DNAL4: variants seen among roughly 807,000 people sequenced by gnomAD.
DNAL4 encodes dynein axonemal light chain 4, also known as dynein light chain, outer arm 4.
DNAL4 carries 10 observed loss-of-function variants against 12.6 expected under a neutral mutation model. The observed-to-expected ratio is 0.79, with a 90% CI of 0.49 to 1.34. The LOEUF (loss-of-function observed/expected upper bound fraction) is 1.34. DNAL4 is among the 40% of genes most tolerant of loss of function. The pLI is 0.00. For missense variants in DNAL4, 128 were observed against 138.1 expected (o/e 0.93, Z 0.37); for synonymous variants, 46 against 53.1 (o/e 0.87, Z 0.58).
At chr22:38,790,986 G>A (rs1396082873) in intron 1 of DNAL4, among the ~76,000 whole-genome samples, 1 of 152,090 alleles carries the variant, frequency 6.6e-6, no homozygotes, top group East Asian at 1.9e-4. Context: ...TGGCCAACAT[G>A]GCAAAACCTC....
chr22:38,783,382 A>G (rs2093037483), intron 1 of DNAL4, among the ~76,000 whole-genome samples: 2 of 151,138 alleles, frequency 1.3e-5, no homozygotes, highest in Non-Finnish European at 3.0e-5. Flanking sequence ...CTCCCACTGC[A>G]TACACGGGCC....
Position 38,781,225 on chromosome 22 carries a change from T to C in DNAL4, c.70-216A>G, listed in dbSNP as rs377215198. On this transcript the variant is annotated intron_variant, in intron 2 of 3. Transcript: ENST00000216068. ...CGTGGGCTCTCAAGCCCAGGCTCTC[T>C]GCAAGGGCACGAAGCCAGCACCAGG... Among the ~76,000 whole-genome samples the C allele has an allele frequency of 2.0e-5, 3 of 152,334 alleles. No homozygotes were observed. The East Asian group carries it at 5.8e-4, about 29-fold the overall frequency.
At chr22:38,785,370 C>T (rs2093040739) in intron 1 of DNAL4, 1 of 152,202 alleles carries the variant, frequency 6.6e-6, no homozygotes, top group South Asian at 2.1e-4. Flanking sequence ...GTGGAAGCAG[C>T]TTCTTAGGCA....
chr22:38,779,396 C>A lies in DNAL4; in HGVS notation c.*53G>T, dbSNP rs974102750. ...GACCTGCCTAGGGCTGCTCCCCACCCCAGATGAGTGGCAGGAAAAGGCCCT... is the reference window on the plus strand; with the variant it reads ...GACCTGCCTAGGGCTGCTCCCCACCACAGATGAGTGGCAGGAAAAGGCCCT... On this transcript the variant is annotated 3_prime_UTR_variant, in exon 4 of 4. Transcript: ENST00000216068. The surrounding 1 kb of genome is among the most constrained non-coding windows in gnomAD (Gnocchi z 4.3). 1 of 1,532,904 alleles carries A rather than the reference C, an allele frequency of 6.5e-7. No homozygotes were observed. The highest frequency in any genetic ancestry group is 8.8e-7 in the Non-Finnish European group (1 of 1,135,722). 95.0% of individuals were successfully genotyped at this position (1,532,904 alleles called of 1,614,324 possible). A position where few individuals can be genotyped will look rare whatever the true frequency, so the allele number is the denominator to read the frequency against.
intron 1 of DNAL4, among the ~76,000 whole-genome samples, chr22:38,792,206 A>G (rs1371239191): frequency 6.6e-6 from 1 of 151,976 alleles, no homozygotes; most frequent in African/African-American, 2.4e-5. Context: ...CACATTGTAC[A>G]GCTATACAAA....
At chr22:38,785,290 C>G (rs2093040604) in intron 1 of DNAL4, 1 of 152,200 alleles carries the variant, frequency 6.6e-6, no homozygotes, top group Admixed American at 6.5e-5. Context: ...GGCGGCTACA[C>G]TGATGACAGA....
chr22:38,783,852 C>T (rs2093038191), intron 1 of DNAL4, among the ~76,000 whole-genome samples: 1 of 152,210 alleles, frequency 6.6e-6, no homozygotes, highest in African/African-American at 2.4e-5. Flanking sequence ...TGTTCCCTAA[C>T]CGACGGGGCT....
chr22:38,785,048 A>C (rs532407560), intron 1 of DNAL4, among the ~76,000 whole-genome samples: 1 of 148,712 alleles, frequency 6.7e-6, no homozygotes, highest in Non-Finnish European at 1.5e-5. Context: ...TATCTCATCA[A>C]TTCTGGGCAT....
intron 3 of DNAL4, among the ~76,000 whole-genome samples, chr22:38,780,450 C>G (rs1187585143): frequency 6.6e-6 from 1 of 152,242 alleles, no homozygotes; most frequent in Non-Finnish European, 1.5e-5. Flanking sequence ...TCTTGCCTCC[C>G]CACCGGCTGC....
intron 1 of DNAL4, among the ~76,000 whole-genome samples, chr22:38,792,646 C>T (rs2093052692): frequency 1.3e-5 from 2 of 152,198 alleles, no homozygotes; most frequent in Admixed American, 6.5e-5. Flanking sequence ...ATACACTAGC[C>T]TAAGCCTACA....
intron 3 of DNAL4, 178 bp downstream of exon 3, chr22:38,780,748 C>T (rs2093033008): frequency 1.6e-5 from 10 of 623,656 alleles, no homozygotes; most frequent in Non-Finnish European, 2.5e-5. Flanking sequence ...ACCGTCAGTG[C>T]CTGGAGTCAG....
At chr22:38,791,254 G>A (rs894608956) in intron 1 of DNAL4, among the ~76,000 whole-genome samples, 6 of 152,006 alleles carry the variant, frequency 3.9e-5, no homozygotes, top group East Asian at 1.9e-4. Flanking sequence ...TGAATGAAGC[G>A]TACAGGACAG....
chr22:38,792,352 G>A (rs192146115), intron 1 of DNAL4, among the ~76,000 whole-genome samples: 3 of 149,804 alleles, frequency 2.0e-5, no homozygotes, highest in African/African-American at 7.4e-5. Context: ...GCGCTATCTC[G>A]GCGCACTGAA....
At chr22:38,784,981 C>CA (rs1336770288) in intron 1 of DNAL4, among the ~76,000 whole-genome samples, 2 of 150,382 alleles carry the variant, frequency 1.3e-5, no homozygotes, top group Admixed American at 1.3e-4. Flanking sequence ...ACAGACCCCC[C>CA]CCCCCATCCA....
chr22:38,779,610 C>T lies in DNAL4; in HGVS notation c.157G>A (p.Ala53Thr), dbSNP rs749481067. The T allele has an allele frequency of 1.3e-5, 20 of 1,596,176 alleles. No individual in the cohort carries two copies. The highest frequency in any genetic ancestry group is 8.6e-5 in the Admixed American group (5 of 57,848). Residue 53 changes from alanine to threonine, a missense_variant, in exon 4 of 4, where the codon GCC (alanine) becomes ACC (threonine). Ala to Thr is a moderately conservative substitution (Grantham distance 58). Coordinates refer to ENST00000216068, the MANE Select transcript of DNAL4 (RefSeq NM_005740.3). The surrounding 1 kb of genome is among the most constrained non-coding windows in gnomAD (Gnocchi z 4.3). The part of the protein sequence containing the change: ...CEKFSNNNES[A>T]AKMIKETMDK... ...ATTGTCTCTTTGATCATCTTGGCGG[C>T]GCTCTGGAAGGAAGAGGGCACTTAT... is the stretch of plus-strand genomic sequence containing the variant.
intron 1 of DNAL4, among the ~76,000 whole-genome samples, chr22:38,793,010 G>A (rs543276432): frequency 6.6e-6 from 1 of 152,192 alleles, no homozygotes; most frequent in Non-Finnish European, 1.5e-5. Context: ...CACCACACAC[G>A]TGAGTCATGC....
chr22:38,779,009 T>A lies in DNAL4; in HGVS notation c.*440A>T, dbSNP rs1172309001. On this transcript the variant is annotated 3_prime_UTR_variant, in exon 4 of 4. Coordinates refer to ENST00000216068, the MANE Select transcript of DNAL4 (RefSeq NM_005740.3). This position sits in a 1 kb window ranked among gnomAD's most constrained non-coding sequence, Gnocchi z 4.3. ...TGTGTCCCTTGAAAGAATCATCTCC[T>A]TCTTGGGGCCATTTTCATATGACCA... is the stretch of plus-strand genomic sequence containing the variant. 9 of 154,354 alleles carry A rather than the reference T, an allele frequency of 5.8e-5. No homozygotes were observed. The highest frequency in any genetic ancestry group is 1.9e-4 in the Admixed American group (3 of 15,444). 9.6% of individuals were successfully genotyped at this position (154,354 alleles called of 1,614,324 possible). A position where few individuals can be genotyped will look rare whatever the true frequency, so the allele number is the denominator to read the frequency against.
rs968466317 is a variant in DNAL4, at chr22:38,787,364, C to T, written c.-139-4494G>A. Among the ~76,000 whole-genome samples the T allele has an allele frequency of 2.6e-5, 4 of 152,124 alleles. No individual in the cohort carries two copies. In the East Asian group the frequency reaches 7.7e-4, roughly 29 times the overall value. On this transcript the variant is annotated intron_variant, in intron 1 of 3. Transcript: ENST00000216068. ...TCAAGCAATTCTTCTGACTCAGCCT[C>T]CCAAGTAGCTGGGATTACAGGTACG... is the stretch of plus-strand genomic sequence containing the variant.
chr22:38,788,980 G>A (rs1233669935), intron 1 of DNAL4, among the ~76,000 whole-genome samples: 1 of 152,182 alleles, frequency 6.6e-6, no homozygotes, highest in Non-Finnish European at 1.5e-5. Flanking sequence ...CAGAAGCCCA[G>A]AAATTATCCA....
Sources: gnomAD v4.1 joint callset for allele counts (sites outside exome capture counted in the v4.1 genomes callset) on GRCh38, gnomAD v4.1.1 for gene constraint, Gnocchi (gnomAD v3.1) non-coding constraint, MANE v1.5 for transcripts, NCBI Gene and HGNC (gene_info 2026-07-23, HGNC 2026-07-21) for gene names.